Variants in ZNF652 observed in about 807,000 individuals in gnomAD.
ZNF652 encodes the protein zinc finger protein 652.
A neutral mutation model predicts 45.2 loss-of-function variants in ZNF652; 16 were observed. The observed-to-expected ratio is 0.35, with a 90% CI of 0.24 to 0.54. The LOEUF (loss-of-function observed/expected upper bound fraction) is 0.54, where lower values mean the gene tolerates loss of function less well. Among genes scored for constraint, ZNF652 ranks in the 20% least tolerant of loss-of-function variants. The pLI is 0.91. For missense variants in ZNF652, 614 were observed against 765.6 expected (o/e 0.80, Z 2.34); for synonymous variants, 250 against 260.6 (o/e 0.96, Z 0.39).
intron 5 of ZNF652, among the ~76,000 whole-genome samples, chr17:49,299,582 T>C (rs1359594416): frequency 6.6e-6 from 1 of 151,948 alleles, no homozygotes; most frequent in African/African-American, 2.4e-5. Context: ...GGTTTCGCCA[T>C]TTTGGCCAGG....
chr17:49,300,770 T>C (rs1439865094), intron 5 of ZNF652, among the ~76,000 whole-genome samples: 1 of 152,220 alleles, frequency 6.6e-6, no homozygotes, highest in Non-Finnish European at 1.5e-5. Flanking sequence ...TACTCATGTG[T>C]ATTGGGTCTT....
chr17:49,353,533 G>C (rs900700089), intron 1 of ZNF652, among the ~76,000 whole-genome samples: 6 of 151,818 alleles, frequency 4.0e-5, no homozygotes, highest in African/African-American at 1.2e-4. Context: ...CTAGAGTGAT[G>C]TGATTTCGGC....
chr17:49,298,969 A>C, intron 5 of ZNF652, 45 bp from the exon 6 acceptor site: 1 of 1,536,814 alleles, frequency 6.5e-7, no homozygotes, highest in Non-Finnish European at 8.7e-7. Context: ...ATTAGGTGGT[A>C]ATTGTGTGCT....
At chr17:49,319,502 T>A (rs1049644704) in intron 1 of ZNF652, among the ~76,000 whole-genome samples, 3 of 151,700 alleles carry the variant, frequency 2.0e-5, no homozygotes, top group African/African-American at 7.3e-5. Context: ...GCATAGCGGC[T>A]CATGCCTGTA....
At chr17:49,310,775 A>G (rs942199833) in intron 5 of ZNF652, among the ~76,000 whole-genome samples, 2 of 151,548 alleles carry the variant, frequency 1.3e-5, no homozygotes, top group Non-Finnish European at 2.9e-5. Flanking sequence ...GGTGGCGCAC[A>G]CCTGTGGTCC....
At chr17:49,313,404 G>A (rs750621100) in intron 2 of ZNF652, among the ~76,000 whole-genome samples, 2 of 151,918 alleles carry the variant, frequency 1.3e-5, no homozygotes, top group African/African-American at 2.4e-5. Flanking sequence ...TGATCCACCC[G>A]CCTCAGCCTC....
intron 1 of ZNF652, among the ~76,000 whole-genome samples, chr17:49,353,037 TGTGGTG>T (rs759886474): frequency 1.3e-5 from 2 of 152,042 alleles, no homozygotes; most frequent in East Asian, 1.9e-4. Context: ...GTGTCCTGGC[TGTGGTG>T]GTGGTGGTGG....
intron 1 of ZNF652, among the ~76,000 whole-genome samples, chr17:49,347,735 G>GTTT (rs1567698709): frequency 8.0e-6 from 1 of 124,410 alleles, no homozygotes. Flanking sequence ...TTGAACCTTG[G>GTTT]TTTTGTTTTT....
At chr17:49,337,354 AG>A (rs556588712) in intron 1 of ZNF652, among the ~76,000 whole-genome samples, 2,210 of 128,154 alleles carry the variant, frequency 0.017, 48 homozygotes, top group African/African-American at 0.056. Context: ...AAAAAAAAAA[AG>A]AAAAAAGAAA....
At chr17:49,333,859 T>C (rs889654363) in intron 1 of ZNF652, among the ~76,000 whole-genome samples, 1 of 151,822 alleles carries the variant, frequency 6.6e-6, no homozygotes, top group African/African-American at 2.4e-5. Context: ...AGGATGGCTA[T>C]AATAAAAAAT....
intron 5 of ZNF652, 86 bp downstream of exon 5, chr17:49,311,225 GT>G: frequency 1.4e-6 from 2 of 1,399,576 alleles, no homozygotes; most frequent in Non-Finnish European, 1.9e-6. Flanking sequence ...CAAATTTGTG[GT>G]TTTGATTTTT....
chr17:49,311,524 C>A, intron 4 of ZNF652, 68 bp from the exon 5 acceptor site: 1 of 1,527,958 alleles, frequency 6.5e-7, no homozygotes, highest in Admixed American at 1.8e-5. Flanking sequence ...CACCCTAACA[C>A]AGTCTCTGAT....
chr17:49,322,271 C>A (rs8076023), intron 1 of ZNF652: 1 of 152,092 alleles, frequency 6.6e-6, no homozygotes, highest in South Asian at 2.1e-4. Context: ...CAAGATTTTC[C>A]CAAGTTTAAT....
intron 1 of ZNF652, among the ~76,000 whole-genome samples, chr17:49,350,511 C>G (rs1215862381): frequency 6.8e-6 from 1 of 148,006 alleles, no homozygotes; most frequent in Non-Finnish European, 1.5e-5. Context: ...TGCACTCCAG[C>G]TCAGGTGACA....
intron 1 of ZNF652, among the ~76,000 whole-genome samples, chr17:49,324,258 C>A (rs1458126672): frequency 6.6e-6 from 1 of 152,230 alleles, no homozygotes; most frequent in African/African-American, 2.4e-5. Context: ...TTCCTCACTT[C>A]TCGGCCTTCA....
Position 49,298,333 on chromosome 17 carries a change from A to G in ZNF652, c.*80T>C. 1 of 1,555,104 alleles carries G rather than the reference A, an allele frequency of 6.4e-7. No homozygotes were observed. Among genetic ancestry groups the G allele is most frequent in the Non-Finnish European group, 8.7e-7 (1 of 1,144,804 alleles). On this transcript the variant is annotated 3_prime_UTR_variant, in exon 6 of 6. Transcript: ENST00000430262. ...GAGGCGGAGGAGAGTCTGAGAACTA[A>G]GGAAATGCTCACCGACTCCCTCTGT...
chr17:49,302,534 C>T (rs1047855706), intron 5 of ZNF652, among the ~76,000 whole-genome samples: 2 of 151,862 alleles, frequency 1.3e-5, no homozygotes, highest in Non-Finnish European at 2.9e-5. Context: ...GTAATCTGCC[C>T]GCCTCGGCCT....
intron 2 of ZNF652, 26 bp downstream of exon 2, chr17:49,316,799 GT>G: frequency 1.3e-6 from 2 of 1,581,170 alleles, no homozygotes. Context: ...ATCCTGAAAA[GT>G]TTTCCCTCTC....
chr17:49,334,305 A>G (rs2070057633), intron 1 of ZNF652, among the ~76,000 whole-genome samples: 1 of 152,112 alleles, frequency 6.6e-6, no homozygotes, highest in African/African-American at 2.4e-5. Flanking sequence ...ACATAGCAAG[A>G]CCTCGTCTCT....
Sources: gnomAD v4.1 joint callset for allele counts (sites outside exome capture counted in the v4.1 genomes callset) on GRCh38, gnomAD v4.1.1 for gene constraint, MANE v1.5 for transcripts, NCBI Gene and HGNC (gene_info 2026-07-23, HGNC 2026-07-21) for gene names.